The following INO80 variants were observed in gnomAD, a reference collection of about 807,000 sequenced individuals.
The protein encoded by INO80 is chromatin-remodeling ATPase INO80.
A neutral mutation model predicts 203.4 loss-of-function variants in INO80; 20 were observed. The observed-to-expected ratio is 0.10, with a 90% CI of 0.07 to 0.14. The LOEUF (loss-of-function observed/expected upper bound fraction) is 0.14, where lower values mean the gene tolerates loss of function less well. Among genes scored for constraint, INO80 ranks in the 10% least tolerant of loss-of-function variants. The probability of loss-of-function intolerance (pLI) is 1.00; values close to 1 mark genes in which losing one functional copy is unlikely to be tolerated. For missense variants in INO80, 1,419 were observed against 1,914.4 expected, an observed-to-expected ratio of 0.74 and a Z score of 4.83; for synonymous variants, 726 against 685.2, an observed-to-expected ratio of 1.06 and a Z score of -0.93.
chr15:41,084,587 A>T (rs1200572575), intron 7 of INO80, among the ~76,000 whole-genome samples: 1 of 152,178 alleles, frequency 6.6e-6, no homozygotes. Flanking sequence ...ATAAAATGTT[A>T]TCAAAACCAA....
chr15:41,085,327 A>G, intron 7 of INO80, 42 bp downstream of exon 7: 1 of 1,555,252 alleles, frequency 6.4e-7, no homozygotes, highest in Non-Finnish European at 8.9e-7. Flanking sequence ...TGGGGAGAGA[A>G]AACATTCTCC....
intron 27 of INO80, among the ~76,000 whole-genome samples, chr15:41,014,723 A>G (rs2044178724): frequency 6.6e-6 from 1 of 152,218 alleles, no homozygotes; most frequent in Non-Finnish European, 1.5e-5. Flanking sequence ...TCTTGCTAAA[A>G]GAAGTTGCCG....
chr15:41,111,672 G>A (rs2045960629), intron 1 of INO80, among the ~76,000 whole-genome samples: 1 of 150,476 alleles, frequency 6.6e-6, no homozygotes, highest in African/African-American at 2.4e-5. Context: ...GCGTGGTGGT[G>A]CACGCCTGTA....
chr15:40,989,877 C>T (rs2043793839), intron 29 of INO80, among the ~76,000 whole-genome samples: 1 of 152,212 alleles, frequency 6.6e-6, no homozygotes, highest in Non-Finnish European at 1.5e-5. Context: ...GTGTACACCT[C>T]TTATTGCTCA....
At chr15:41,112,712 C>T (rs912297315) in intron 1 of INO80, among the ~76,000 whole-genome samples, 5 of 126,776 alleles carry the variant, frequency 3.9e-5, no homozygotes, top group African/African-American at 1.4e-4. Context: ...TTCTTGAACC[C>T]GGGAGGCAGA....
intron 9 of INO80, among the ~76,000 whole-genome samples, chr15:41,079,465 A>T (rs1261227057): frequency 1.3e-5 from 2 of 151,870 alleles, no homozygotes; most frequent in Admixed American, 6.6e-5. Context: ...CATCCTCAAA[A>T]TTAAGTCTTT....
chr15:41,070,437 A>T (rs1219947521), intron 13 of INO80, 30 bp downstream of exon 13: 1 of 1,574,406 alleles, frequency 6.4e-7, no homozygotes, highest in African/African-American at 1.3e-5. Context: ...ATTCTAGAGA[A>T]ATGAAGATAG....
chr15:40,987,221 C>T, intron 30 of INO80, 28 bp from the exon 31 acceptor site: 1 of 1,323,044 alleles, frequency 7.6e-7, no homozygotes, highest in Non-Finnish European at 1.1e-6. Flanking sequence ...AAAATGTCAC[C>T]TCCAGGCATC....
chr15:40,994,934 C>T (rs973328028), intron 29 of INO80, among the ~76,000 whole-genome samples: 1 of 152,120 alleles, frequency 6.6e-6, no homozygotes, highest in African/African-American at 2.4e-5. Context: ...TGGCTCACTG[C>T]AACCTCCGCC....
chr15:41,021,132 T>A lies in INO80; in HGVS notation c.3049-7A>T, dbSNP rs2044287712. 6.2e-7 allele frequency: 1 copy of A among 1,603,534 alleles called. No homozygotes were observed. Among genetic ancestry groups the A allele is most frequent in the South Asian group, 1.1e-5 (1 of 90,858 alleles). On this transcript the variant is annotated splice_region_variant and splice_polypyrimidine_tract_variant and intron_variant, in intron 25 of 35. Coordinates refer to ENST00000648947, the MANE Select transcript of INO80 (RefSeq NM_017553.3). ...CCAATGGCACTGCGGTAACCTGCAG[T>A]TAAAGATTCACATGAGATGGCTCTT...
chr15:40,980,039 G>A lies in INO80; in HGVS notation c.*184C>T, dbSNP rs1457025193. The A allele has an allele frequency of 1.6e-6, 1 of 606,986 alleles. No individual in the cohort carries two copies. The highest frequency in any genetic ancestry group is 2.9e-6 in the Non-Finnish European group (1 of 341,760). The allele number at this position is 606,986 out of a possible 1,614,324, so 37.6% of individuals were successfully genotyped here. On this transcript the variant is annotated 3_prime_UTR_variant, in exon 36 of 36. Coordinates refer to ENST00000648947, the MANE Select transcript of INO80 (RefSeq NM_017553.3). ...CCTTCCTCCTACAGGCACCCCAGATGCTCCTGATGAGACACAGATGATAAA... is the reference window on the plus strand; with the variant it reads ...CCTTCCTCCTACAGGCACCCCAGATACTCCTGATGAGACACAGATGATAAA...
chr15:41,080,935 G>C (rs74014749), intron 8 of INO80, 85 bp downstream of exon 8: 2 of 838,234 alleles, frequency 2.4e-6, no homozygotes, highest in Admixed American at 3.7e-5. Flanking sequence ...AGGTTACGAC[G>C]GACAAGAGCA....
At chr15:41,000,185 A>C (rs1032354879) in intron 28 of INO80, among the ~76,000 whole-genome samples, 7 of 152,252 alleles carry the variant, frequency 4.6e-5, no homozygotes, top group South Asian at 4.1e-4. Flanking sequence ...GGTGGGTACA[A>C]AGGCAAGGAA....
At chr15:41,011,558 TAAC>T (rs1345006784) in intron 27 of INO80, 2 of 151,852 alleles carry the variant, frequency 1.3e-5, no homozygotes, top group Non-Finnish European at 2.9e-5. Flanking sequence ...GAACTCTAGT[TAAC>T]AGTGGCCCCA....
chr15:41,053,078 C>T (rs2044911772), intron 19 of INO80, among the ~76,000 whole-genome samples: 1 of 152,066 alleles, frequency 6.6e-6, no homozygotes, highest in East Asian at 1.9e-4. Context: ...CATCCAAATG[C>T]TATGTATGGA....
rs1293079247 is a variant in INO80 at position 41,085,431 on chromosome 15, C to G, written c.811G>C (p.Glu271Gln). 4 of 1,614,052 alleles carry G rather than the reference C, an allele frequency of 2.5e-6. No individual in the cohort carries two copies. The East Asian group carries it at 8.9e-5, about 36-fold the overall frequency. Residue 271 changes from glutamate (E) to glutamine (Q), a missense_variant, in exon 7 of 36, where the codon GAG becomes CAG. By Grantham distance (29) the Glu-to-Gln change is conservative (BLOSUM62 2). Around this residue, in one of 9 missense-constraint regions of INO80, gnomAD observed 323 missense variants for 325.4 expected, o/e 0.99. Transcript: ENST00000648947. ...TTCCTGCGACGAGCATTCAGCTGCT[C>G]AATGGATAAGTGCTTTTTCTTAGTG... ...PGTKKKHLSI[E>Q]QLNARRRKVW...
chr15:41,066,678 A>T (rs1156666457), intron 14 of INO80, among the ~76,000 whole-genome samples: 1 of 151,840 alleles, frequency 6.6e-6, no homozygotes, highest in East Asian at 1.9e-4. Context: ...TAAAAAAAAA[A>T]AATTAGCAGG....
At chr15:41,045,289 T>C (rs8042088) in intron 23 of INO80, among the ~76,000 whole-genome samples, 63,725 of 152,008 alleles carry the variant, frequency 0.42, 13,572 homozygotes, top group Middle Eastern at 0.48. Context: ...AAAGCTCCTA[T>C]CAGTATTTAA....
intron 24 of INO80, among the ~76,000 whole-genome samples, chr15:41,029,163 T>C (rs531929993): frequency 6.6e-6 from 1 of 152,358 alleles, no homozygotes; most frequent in African/African-American, 2.4e-5. Context: ...GAATACAAAC[T>C]GCAAGATCAG....
Sources: gnomAD v4.1 joint callset for allele counts (sites outside exome capture counted in the v4.1 genomes callset) on GRCh38, gnomAD v4.1.1 for gene constraint, gnomAD v4.1.1 regional missense constraint, MANE v1.5 for transcripts, NCBI Gene and HGNC (gene_info 2026-07-23, HGNC 2026-07-21) for gene names.